The following CADM2 variants were observed in gnomAD, a reference collection of about 807,000 sequenced individuals.
CADM2 encodes the protein immunoglobulin superfamily member 4D.
A neutral mutation model predicts 49.8 loss-of-function variants in CADM2; 12 were observed. The observed-to-expected ratio is 0.24, with a 90% CI of 0.15 to 0.39. CADM2 has a LOEUF of 0.39. Among genes scored for constraint, CADM2 ranks in the 10% least tolerant of loss-of-function variants. The pLI, the probability that CADM2 is intolerant of heterozygous loss-of-function variation, is 1.00. For missense variants in CADM2, 378 were observed against 492.3 expected (o/e 0.77, Z 2.20); for synonymous variants, 214 against 175.4 (o/e 1.22, Z -1.74).
intron 8 of CADM2, among the ~76,000 whole-genome samples, chr3:86,059,771 T>C (rs964026827): frequency 6.6e-6 from 1 of 152,180 alleles, no homozygotes; most frequent in East Asian, 1.9e-4. Context: ...TTAAATTATG[T>C]ACTCTTCCTG....
chr3:85,893,110 T>C (rs2108423911), intron 5 of CADM2, among the ~76,000 whole-genome samples: 1 of 152,270 alleles, frequency 6.6e-6, no homozygotes, highest in East Asian at 1.9e-4. Flanking sequence ...ACAACTGAAC[T>C]TCAGAGAGAT....
chr3:85,240,966 T>C (rs1196248797), intron 1 of CADM2, among the ~76,000 whole-genome samples: 1 of 151,514 alleles, frequency 6.6e-6, no homozygotes, highest in African/African-American at 2.4e-5. Context: ...CCTCAAGCAT[T>C]TATCACTAAT....
At position 85,137,958 on chromosome 3, in the gene CADM2, TTTTC is replaced by T. The variant is rs552193102; in HGVS notation, c.61+178299_61+178302del. Among the ~76,000 whole-genome samples, 119 of 152,260 alleles carry T rather than the reference TTTTC, an allele frequency of 7.8e-4. 5 individuals are homozygous for T. The South Asian group carries it at 0.024, about 30-fold the overall frequency. ...ATCTCAATAGATATATCTGAGAGGTTTTTCTTTCTTTCATATAAATGTACATTCA... is the reference window on the plus strand; with the variant it reads ...ATCTCAATAGATATATCTGAGAGGTTTTTCTTTCATATAAATGTACATTCA... On this transcript the variant is annotated intron_variant, in intron 1 of 9. Coordinates refer to ENST00000383699, the MANE Select transcript of CADM2 (RefSeq NM_001167675.2).
rs578164641 is a variant in CADM2, at chr3:85,183,003, T to C, written c.61+223335T>C. On this transcript the variant is annotated intron_variant, in intron 1 of 9. Coordinates refer to ENST00000383699, the MANE Select transcript of CADM2 (RefSeq NM_001167675.2). ...AAAAAATCAAGTGAATACAATTCAA[T>C]TATGTAAAATATTACATGAAGATAG... 2.2e-4 allele frequency among the ~76,000 whole-genome samples: 33 copies of C among 152,210 alleles called. 2 individuals carry two copies. The highest frequency in any genetic ancestry group is 1.9e-3 in the Admixed American group (29 of 15,256).
intron 1 of CADM2, among the ~76,000 whole-genome samples, chr3:85,179,016 T>C (rs1398590598): frequency 6.6e-6 from 1 of 151,978 alleles, no homozygotes; most frequent in Non-Finnish European, 1.5e-5. Context: ...TACATCTCCA[T>C]GACTACATAA....
intron 8 of CADM2, among the ~76,000 whole-genome samples, chr3:86,040,947 A>G (rs1735822147): frequency 6.6e-6 from 1 of 152,168 alleles, no homozygotes; most frequent in South Asian, 2.1e-4. Context: ...AAAGAAAAGA[A>G]TTTTCAACCC....
intron 2 of CADM2, among the ~76,000 whole-genome samples, chr3:85,772,785 G>A (rs898265987): frequency 6.7e-6 from 1 of 149,612 alleles, no homozygotes; most frequent in Non-Finnish European, 1.5e-5. Flanking sequence ...GTCTAGAACA[G>A]AAGCTATGTT....
intron 1 of CADM2, among the ~76,000 whole-genome samples, chr3:85,661,587 C>T (rs542955474): frequency 2.4e-4 from 36 of 152,036 alleles, no homozygotes; most frequent in African/African-American, 8.7e-4. Context: ...ATGTCCATGT[C>T]TTTACCTAGT....
chr3:85,270,071 T>A (rs1169775728), intron 1 of CADM2, among the ~76,000 whole-genome samples: 1 of 151,292 alleles, frequency 6.6e-6, no homozygotes, highest in Non-Finnish European at 1.5e-5. Context: ...GATCATCTAT[T>A]GTGCCTAAAA....
intron 1 of CADM2, among the ~76,000 whole-genome samples, chr3:85,009,054 G>A (rs1478471564): frequency 6.6e-6 from 1 of 152,178 alleles, no homozygotes; most frequent in African/African-American, 2.4e-5. Flanking sequence ...TATGTATAGT[G>A]AGAGATGTCT....
intron 1 of CADM2, among the ~76,000 whole-genome samples, chr3:85,335,941 G>A (rs1218385065): frequency 6.6e-6 from 1 of 151,376 alleles, no homozygotes; most frequent in East Asian, 1.9e-4. Flanking sequence ...AAGACAGCCT[G>A]TTCTCTCTGA....
intron 1 of CADM2, among the ~76,000 whole-genome samples, chr3:85,694,905 G>C (rs763561535): frequency 6.6e-6 from 1 of 151,606 alleles, no homozygotes; most frequent in Non-Finnish European, 1.5e-5. Flanking sequence ...ATCCAGCCTT[G>C]GCAACACAGT....
chr3:85,767,088 G>A (rs2069693807), intron 2 of CADM2, among the ~76,000 whole-genome samples: 1 of 152,102 alleles, frequency 6.6e-6, no homozygotes, highest in African/African-American at 2.4e-5. Flanking sequence ...TTACCCAAAT[G>A]AATAGATGTC....
intron 1 of CADM2, among the ~76,000 whole-genome samples, chr3:85,648,372 AT>A (rs1179326452): frequency 6.6e-6 from 1 of 151,862 alleles, no homozygotes; most frequent in Non-Finnish European, 1.5e-5. Flanking sequence ...TATTTACTTC[AT>A]TTACGTAGCA....
intron 1 of CADM2, among the ~76,000 whole-genome samples, chr3:85,421,286 T>C (rs2036157270): frequency 6.6e-6 from 1 of 152,156 alleles, no homozygotes; most frequent in African/African-American, 2.4e-5. Flanking sequence ...ATGGAGCAGT[T>C]AGTGTTAAAA....
intron 1 of CADM2, among the ~76,000 whole-genome samples, chr3:85,455,536 T>C (rs1050317160): frequency 6.6e-6 from 1 of 152,188 alleles, no homozygotes; most frequent in Non-Finnish European, 1.5e-5. Context: ...TGGATGGACT[T>C]GATAGCATGG....
chr3:85,784,356 T>G (rs1185065508), intron 2 of CADM2, among the ~76,000 whole-genome samples: 1 of 152,082 alleles, frequency 6.6e-6, no homozygotes, highest in Non-Finnish European at 1.5e-5. Flanking sequence ...AGGCTAATTT[T>G]TTATTATAAC....
rs556642282 is a variant in CADM2 at position 85,325,333 on chromosome 3, T to C, written c.61+365665T>C. ...CAGTGGAAATTAGTTTCTTTCTTTC[T>C]ATTTGTTGAGATATCTTGAGTAAAA... On this transcript the variant is annotated intron_variant, in intron 1 of 9. Transcript: ENST00000383699. 6.6e-4 allele frequency among the ~76,000 whole-genome samples: 101 copies of C among 152,212 alleles called. 1 individual carries two copies. The highest frequency in any genetic ancestry group is 4.3e-4 in the Non-Finnish European group (29 of 68,032).
intron 1 of CADM2, among the ~76,000 whole-genome samples, chr3:85,250,627 A>G (rs1332718446): frequency 3.3e-5 from 5 of 151,710 alleles, no homozygotes; most frequent in Admixed American, 6.6e-5. Context: ...ATTGATACAT[A>G]TAAGTTTAAT....
Sources: allele counts gnomAD v4.1 joint callset (sites outside exome capture counted in the v4.1 genomes callset), GRCh38; gene constraint gnomAD v4.1.1; transcripts MANE v1.5; gene names NCBI Gene and HGNC (gene_info 2026-07-23, HGNC 2026-07-21).